FAM210A: variants seen among roughly 807,000 people sequenced by gnomAD.
FAM210A encodes the protein mitochondrial inner membrane scaffold 1.
Under a neutral mutation model 25.3 loss-of-function variants are expected in FAM210A, and 13 were observed. The ratio of observed to expected loss-of-function variants is 0.51; its 90% CI spans 0.33 to 0.82. FAM210A has a LOEUF of 0.82. FAM210A is among the 40% of genes least tolerant of loss of function. The probability of loss-of-function intolerance (pLI) is 0.02; values close to 1 mark genes in which losing one functional copy is unlikely to be tolerated. For synonymous variants in FAM210A, 125 were observed against 118.7 expected (o/e 1.05, Z -0.35); for missense variants, 319 against 323.2 (o/e 0.99, Z 0.10).
chr18:13,682,215 C>G, intron 1 of FAM210A, 110 bp from the exon 2 acceptor site: 1 of 712,918 alleles, frequency 1.4e-6, no homozygotes, highest in South Asian at 2.0e-5. Context: ...ACAGACACTG[C>G]TACATAATCC....
rs2043403102 is a variant in FAM210A, at chr18:13,666,593, T to C, written c.706A>G (p.Met236Val). The change falls in exon 4 of 4, where the codon ATG becomes GTG. Residue 236 changes from methionine to valine, a missense_variant. Physicochemically the swap from Met to Val is conservative, Grantham distance 21 (BLOSUM62 1). Transcript: ENST00000651643. ...GTGATAAGCTCCTTTGTCTCTTCCA[T>C]CCTGTCCTGCAGATACTCCTTGACG... Reference protein sequence around the residue: ...PPVKEYLQDRMEETKELITEK... With the variant: ...PPVKEYLQDRVEETKELITEK... The C allele has an allele frequency of 1.2e-6, 2 of 1,614,222 alleles. No individual in the cohort carries two copies. Among genetic ancestry groups the C allele is most frequent in the Non-Finnish European group, 1.7e-6 (2 of 1,180,044 alleles).
intron 1 of FAM210A, among the ~76,000 whole-genome samples, chr18:13,692,542 A>G (rs2043655431): frequency 6.6e-6 from 1 of 152,226 alleles, no homozygotes; most frequent in African/African-American, 2.4e-5. Context: ...AACAGAAATT[A>G]TAACAAACTG....
intron 1 of FAM210A, among the ~76,000 whole-genome samples, chr18:13,701,759 A>C (rs1278210044): frequency 2.0e-5 from 3 of 152,230 alleles, no homozygotes; most frequent in Non-Finnish European, 4.4e-5. Flanking sequence ...GTCTCTCAGA[A>C]ATTAAATCTA....
chr18:13,703,014 GC>G (rs1189688120), intron 1 of FAM210A, among the ~76,000 whole-genome samples: 2 of 152,176 alleles, frequency 1.3e-5, no homozygotes, highest in Non-Finnish European at 2.9e-5. Context: ...AGCTCTAACA[GC>G]ATGGGACCCC....
chr18:13,692,715 A>G (rs565108697), intron 1 of FAM210A, among the ~76,000 whole-genome samples: 23 of 152,360 alleles, frequency 1.5e-4, no homozygotes, highest in African/African-American at 5.3e-4. Context: ...CAAAGACACA[A>G]CATACCAGAA....
intron 1 of FAM210A, among the ~76,000 whole-genome samples, chr18:13,714,329 G>A (rs549592257): frequency 6.6e-6 from 1 of 152,240 alleles, no homozygotes; most frequent in East Asian, 1.9e-4. Flanking sequence ...GGATACCTTC[G>A]AAAGAAAAAC....
intron 1 of FAM210A, among the ~76,000 whole-genome samples, chr18:13,709,743 G>A (rs1389576336): frequency 6.6e-6 from 1 of 152,114 alleles, no homozygotes; most frequent in South Asian, 2.1e-4. Context: ...TGGCACACAG[G>A]AGGCACTCAA....
chr18:13,681,510 A>T, intron 2 of FAM210A, 95 bp downstream of exon 2: 2 of 984,046 alleles, frequency 2.0e-6, no homozygotes, highest in South Asian at 1.8e-5. Flanking sequence ...GAAAAACATT[A>T]AAGCATTTAA....
intron 1 of FAM210A, among the ~76,000 whole-genome samples, chr18:13,704,743 T>C (rs542168413): frequency 5.3e-5 from 8 of 152,302 alleles, no homozygotes; most frequent in African/African-American, 9.6e-5. Context: ...AATGTTAATA[T>C]ATATTCCAAA....
chr18:13,680,391 T>C (rs926233802), intron 2 of FAM210A, among the ~76,000 whole-genome samples: 1 of 152,124 alleles, frequency 6.6e-6, no homozygotes, highest in Non-Finnish European at 1.5e-5. Context: ...AAGAAAAGGA[T>C]ATGCAATGAA....
At chr18:13,687,690 G>A (rs1343316663) in intron 1 of FAM210A, 2 of 152,232 alleles carry the variant, frequency 1.3e-5, no homozygotes, top group Non-Finnish European at 2.9e-5. Context: ...GCAAGACACT[G>A]GAAGTGGGTC....
rs189903364 is a variant in FAM210A, at chr18:13,705,010, C to G, written c.-29+21319G>C. On this transcript the variant is annotated intron_variant, in intron 1 of 3. Transcript: ENST00000651643. ...GGACCCTAAAAAGCACTCTTGAATA[C>G]AGGTTTCTAATAACCTTAGAATCAT... 5.5e-4 allele frequency among the ~76,000 whole-genome samples: 84 copies of G among 152,268 alleles called. 1 individual carries two copies. Among genetic ancestry groups the G allele is most frequent in the Admixed American group, 2.7e-3 (41 of 15,296 alleles).
intron 1 of FAM210A, among the ~76,000 whole-genome samples, chr18:13,709,678 G>A (rs1284210): frequency 0.06 from 9,065 of 152,160 alleles, 914 homozygotes; most frequent in African/African-American, 0.21. Flanking sequence ...CCCAAGAGTA[G>A]AGCTTTTTCA....
intron 2 of FAM210A, among the ~76,000 whole-genome samples, chr18:13,674,765 TTATTTC>T (rs2043476473): frequency 1.7e-5 from 1 of 58,982 alleles, no homozygotes; most frequent in Non-Finnish European, 3.3e-5. Flanking sequence ...AGCCCCGACT[TTATTTC>T]CAGTTTTCTG....
chr18:13,699,234 G>A (rs2043719400), intron 1 of FAM210A, among the ~76,000 whole-genome samples: 1 of 152,172 alleles, frequency 6.6e-6, no homozygotes, highest in African/African-American at 2.4e-5. Flanking sequence ...ACTCCCTAAT[G>A]CACTGATGGC....
chr18:13,678,166 AT>A (rs1164786948), intron 2 of FAM210A, among the ~76,000 whole-genome samples: 1 of 152,200 alleles, frequency 6.6e-6, no homozygotes, highest in Non-Finnish European at 1.5e-5. Flanking sequence ...ACTTGTCTCT[AT>A]AAAAAATTAA....
rs2043380144 is a variant in FAM210A, at chr18:13,663,967, C to T, written c.*2513G>A. On this transcript the variant is annotated 3_prime_UTR_variant, in exon 4 of 4. Coordinates refer to ENST00000651643, the MANE Select transcript of FAM210A (RefSeq NM_152352.4). ...AATGAGGTCTATTATACATAGCAAA[C>T]TATACTGTATATATTCTCAATTATT... 1 of 152,158 alleles carries T rather than the reference C, an allele frequency of 6.6e-6. No individual in the cohort carries two copies. The highest frequency in any genetic ancestry group is 2.4e-5 in the African/African-American group (1 of 41,424). The allele number at this position is 152,158 out of a possible 1,614,324, so 9.4% of individuals were successfully genotyped here.
At chr18:13,721,315 AG>A (rs2043896042) in intron 1 of FAM210A, among the ~76,000 whole-genome samples, 1 of 152,214 alleles carries the variant, frequency 6.6e-6, no homozygotes, top group Non-Finnish European at 1.5e-5. Flanking sequence ...GCCAGTTACT[AG>A]GGGATAGGTT....
intron 3 of FAM210A, among the ~76,000 whole-genome samples, chr18:13,666,973 C>T (rs866083140): frequency 7.9e-5 from 12 of 152,278 alleles, no homozygotes; most frequent in South Asian, 2.1e-4. Flanking sequence ...TGTCCCTAAT[C>T]GCATGCTAGT....
Sources: gnomAD v4.1 joint callset for allele counts (sites outside exome capture counted in the v4.1 genomes callset) on GRCh38, gnomAD v4.1.1 for gene constraint, MANE v1.5 for transcripts, NCBI Gene and HGNC (gene_info 2026-07-23, HGNC 2026-07-21) for gene names.